LRFN5: variants seen among roughly 807,000 people sequenced by gnomAD.
LRFN5 encodes leucine rich repeat and fibronectin type III domain containing 5, also known as leucine-rich repeat and fibronectin type-III domain-containing protein 5.
A neutral mutation model predicts 45.6 loss-of-function variants in LRFN5; 24 were observed. The ratio of observed to expected loss-of-function variants is 0.53; its 90% CI spans 0.38 to 0.74. The LOEUF (loss-of-function observed/expected upper bound fraction) is 0.74, where lower values mean the gene tolerates loss of function less well. Among genes scored for constraint, LRFN5 ranks in the 30% least tolerant of loss-of-function variants. LRFN5 has a pLI of 0.00. For missense variants in LRFN5, 776 were observed against 861.5 expected, an observed-to-expected ratio of 0.90 and a Z score of 1.24; for synonymous variants, 340 against 313.8, an observed-to-expected ratio of 1.08 and a Z score of -0.88.
At chr14:41,851,339 G>A (rs769172767) in intron 2 of LRFN5, among the ~76,000 whole-genome samples, 1 of 151,378 alleles carries the variant, frequency 6.6e-6, no homozygotes, top group South Asian at 2.1e-4. Flanking sequence ...TACATGCAAA[G>A]CATTTTGAAT....
At chr14:41,650,904 G>A (rs79024447) in intron 1 of LRFN5, among the ~76,000 whole-genome samples, 129 of 107,916 alleles carry the variant, frequency 1.2e-3, no homozygotes, top group East Asian at 6.9e-3. Flanking sequence ...AGAGAGGGAG[G>A]GAGGGAGGGA....
At chr14:41,861,389 T>C (rs1889654014) in intron 2 of LRFN5, among the ~76,000 whole-genome samples, 3 of 152,252 alleles carry the variant, frequency 2.0e-5, no homozygotes, top group Admixed American at 2.0e-4. Flanking sequence ...GTTTATATGC[T>C]TATTATATCA....
chr14:41,873,119 T>G (rs1890073605), intron 2 of LRFN5, among the ~76,000 whole-genome samples: 1 of 152,180 alleles, frequency 6.6e-6, no homozygotes, highest in Non-Finnish European at 1.5e-5. Context: ...TGACGGCTGC[T>G]GCAGCTGCTG....
chr14:41,695,474 G>A (rs1882570175), intron 1 of LRFN5, among the ~76,000 whole-genome samples: 1 of 151,776 alleles, frequency 6.6e-6, no homozygotes. Flanking sequence ...AAGAGGAGAA[G>A]TCAATGCTGG....
intron 2 of LRFN5, among the ~76,000 whole-genome samples, chr14:41,869,460 T>A (rs1484617753): frequency 6.6e-6 from 1 of 152,050 alleles, no homozygotes; most frequent in Non-Finnish European, 1.5e-5. Flanking sequence ...TTTTTATTAG[T>A]ATTTCATTCA....
At chr14:41,892,543 T>A in intron 4 of LRFN5, 1 of 975,744 alleles carries the variant, frequency 1.0e-6, no homozygotes, top group African/African-American at 1.7e-5. Flanking sequence ...ATATTTTTAA[T>A]AAGTAGACTG....
At position 41,755,494 on chromosome 14, in the gene LRFN5, G is replaced by A. The variant is rs574632540; in HGVS notation, c.-196-11360G>A. Among the ~76,000 whole-genome samples, 6 of 152,272 alleles carry A rather than the reference G, an allele frequency of 3.9e-5. No individual in the cohort carries two copies. The East Asian group carries it at 1.2e-3, about 29-fold the overall frequency. On this transcript the variant is annotated intron_variant, in intron 1 of 5. Coordinates refer to ENST00000298119, the MANE Select transcript of LRFN5 (RefSeq NM_152447.5). Reference sequence around the variant, plus strand: ...TTTAGGATAGTTAGCTCTTCTTGTTGAATTGATCCCTTTACCATTATGTAA... The same window carrying A: ...TTTAGGATAGTTAGCTCTTCTTGTTAAATTGATCCCTTTACCATTATGTAA...
At chr14:41,830,645 A>T (rs1160641735) in intron 2 of LRFN5, among the ~76,000 whole-genome samples, 1 of 152,158 alleles carries the variant, frequency 6.6e-6, no homozygotes, top group Admixed American at 6.5e-5. Context: ...AGAGTCAGAA[A>T]CTAGCACTCC....
intron 5 of LRFN5, among the ~76,000 whole-genome samples, chr14:41,900,057 A>ACT (rs1051726774): frequency 6.7e-6 from 1 of 149,656 alleles, no homozygotes; most frequent in Non-Finnish European, 1.5e-5. Flanking sequence ...TCTACCCATC[A>ACT]CTCTCTCTCC....
intron 1 of LRFN5, among the ~76,000 whole-genome samples, chr14:41,714,246 A>G (rs1390759452): frequency 6.6e-6 from 1 of 152,144 alleles, no homozygotes; most frequent in Non-Finnish European, 1.5e-5. Flanking sequence ...TCTTTAGTTG[A>G]TATTTAGAGG....
At chr14:41,614,625 T>C (rs949586207) in intron 1 of LRFN5, among the ~76,000 whole-genome samples, 1 of 151,996 alleles carries the variant, frequency 6.6e-6, no homozygotes, top group Non-Finnish European at 1.5e-5. Context: ...TTTGTAGAAG[T>C]TGGTATTGTG....
chr14:41,748,089 T>C (rs1426798439), intron 1 of LRFN5, among the ~76,000 whole-genome samples: 1 of 152,042 alleles, frequency 6.6e-6, no homozygotes, highest in African/African-American at 2.4e-5. Flanking sequence ...AAAGTGAAAG[T>C]GGTTCATTTG....
chr14:41,679,938 C>T (rs1256913888), intron 1 of LRFN5, among the ~76,000 whole-genome samples: 8 of 152,118 alleles, frequency 5.3e-5, no homozygotes, highest in Admixed American at 5.2e-4. Flanking sequence ...AGCTAAAGAG[C>T]ACTTGGTCCT....
intron 2 of LRFN5, among the ~76,000 whole-genome samples, chr14:41,826,874 A>C (rs1427204198): frequency 1.3e-5 from 2 of 151,984 alleles, no homozygotes; most frequent in South Asian, 2.1e-4. Flanking sequence ...TGATTCACAA[A>C]ATAAGTAATT....
intron 2 of LRFN5, among the ~76,000 whole-genome samples, chr14:41,782,667 A>G (rs1423810988): frequency 6.6e-6 from 1 of 152,112 alleles, no homozygotes; most frequent in Non-Finnish European, 1.5e-5. Flanking sequence ...ATTTATGTTC[A>G]TTTGGCTAGA....
intron 2 of LRFN5, among the ~76,000 whole-genome samples, chr14:41,880,832 G>A (rs1594491230): frequency 6.6e-6 from 1 of 152,200 alleles, no homozygotes; most frequent in East Asian, 1.9e-4. Context: ...TGCATTCAGT[G>A]TTTTCGTGGT....
chr14:41,902,576 G>A (rs972060199), intron 5 of LRFN5, among the ~76,000 whole-genome samples: 6 of 151,792 alleles, frequency 4.0e-5, no homozygotes, highest in Admixed American at 2.6e-4. Context: ...TAATTTTACA[G>A]TTTGTTAATA....
At chr14:41,772,816 T>C (rs555938163) in intron 2 of LRFN5, among the ~76,000 whole-genome samples, 1 of 152,280 alleles carries the variant, frequency 6.6e-6, no homozygotes, top group South Asian at 2.1e-4. Context: ...TCTCAATCTT[T>C]CACTCCACAA....
intron 1 of LRFN5, among the ~76,000 whole-genome samples, chr14:41,637,555 A>G (rs1594571138): frequency 6.6e-6 from 1 of 152,122 alleles, no homozygotes; most frequent in Non-Finnish European, 1.5e-5. Flanking sequence ...ACAGCGCAGT[A>G]GTTAGAATTG....
Sources: allele counts gnomAD v4.1 joint callset (sites outside exome capture counted in the v4.1 genomes callset), GRCh38; gene constraint gnomAD v4.1.1; transcripts MANE v1.5; gene names NCBI Gene and HGNC (gene_info 2026-07-23, HGNC 2026-07-21).